The following DDX10 variants were observed in gnomAD, a reference collection of about 807,000 sequenced individuals.
The protein encoded by DDX10 is probable ATP-dependent RNA helicase DDX10.
Under a neutral mutation model 104.3 loss-of-function variants are expected in DDX10, and 74 were observed. The ratio of observed to expected loss-of-function variants is 0.71; its 90% CI spans 0.59 to 0.86. DDX10 has a LOEUF of 0.86. Among genes scored for constraint, DDX10 ranks in the 40% least tolerant of loss-of-function variants. DDX10 has a pLI of 0.00. For missense variants in DDX10, 952 were observed against 1,040.0 expected (o/e 0.92, Z 1.16); for synonymous variants, 351 against 353.4 (o/e 0.99, Z 0.08).
intron 13 of DDX10, among the ~76,000 whole-genome samples, chr11:108,750,815 T>C (rs1046479429): frequency 2.3e-4 from 34 of 151,044 alleles, no homozygotes; most frequent in African/African-American, 8.2e-4. Context: ...TAGAGTACAG[T>C]GGCACAGTTA....
At chr11:108,804,207 T>G (rs1862065397) in intron 13 of DDX10, among the ~76,000 whole-genome samples, 1 of 152,072 alleles carries the variant, frequency 6.6e-6, no homozygotes, top group African/African-American at 2.4e-5. Flanking sequence ...GTATAAAAAG[T>G]TACTACAAGG....
intron 13 of DDX10, among the ~76,000 whole-genome samples, chr11:108,758,201 A>T (rs2094346775): frequency 6.6e-6 from 1 of 151,986 alleles, no homozygotes; most frequent in Admixed American, 6.6e-5. Flanking sequence ...TACTTTTTGT[A>T]TTCTCATCAC....
At chr11:108,693,847 T>C (rs964797435) in intron 9 of DDX10, among the ~76,000 whole-genome samples, 1 of 152,232 alleles carries the variant, frequency 6.6e-6, no homozygotes, top group Non-Finnish European at 1.5e-5. Context: ...AAACTGCTCA[T>C]TGAAAGTCAT....
At chr11:108,879,775 TA>T (rs1307488162) in intron 16 of DDX10, among the ~76,000 whole-genome samples, 1 of 152,200 alleles carries the variant, frequency 6.6e-6, no homozygotes, top group African/African-American at 2.4e-5. Context: ...AAAAATGAAT[TA>T]TACATTCTAA....
At chr11:108,728,071 C>T (rs968556439) in intron 13 of DDX10, among the ~76,000 whole-genome samples, 2 of 151,560 alleles carry the variant, frequency 1.3e-5, no homozygotes, top group African/African-American at 4.8e-5. Flanking sequence ...CCAGAAAGCA[C>T]ACACAGTATA....
chr11:108,853,011 T>TA (rs1196489257), intron 16 of DDX10, among the ~76,000 whole-genome samples: 37 of 152,272 alleles, frequency 2.4e-4, no homozygotes, highest in African/African-American at 7.9e-4. Context: ...CCATAGCACT[T>TA]AAGAGAGCAA....
intron 9 of DDX10, among the ~76,000 whole-genome samples, chr11:108,704,903 G>A (rs972544094): frequency 1.3e-5 from 2 of 152,102 alleles, no homozygotes; most frequent in Admixed American, 6.5e-5. Context: ...TGGAAAACTC[G>A]ACTACCCCAT....
chr11:108,904,868 C>G (rs1370371333), intron 16 of DDX10, among the ~76,000 whole-genome samples: 1 of 152,082 alleles, frequency 6.6e-6, no homozygotes, highest in Admixed American at 6.6e-5. Flanking sequence ...AAAAATGTTG[C>G]ATTTGTGCTT....
intron 15 of DDX10, among the ~76,000 whole-genome samples, chr11:108,848,350 T>C (rs944614922): frequency 3.9e-5 from 6 of 152,160 alleles, no homozygotes; most frequent in Non-Finnish European, 1.5e-5. Context: ...GAAATTTTAC[T>C]AAGATCAGAA....
intron 13 of DDX10, among the ~76,000 whole-genome samples, chr11:108,744,821 G>GA (rs915349414): frequency 2.6e-5 from 4 of 152,128 alleles, no homozygotes; most frequent in South Asian, 2.1e-4. Flanking sequence ...ATTTGGCCTA[G>GA]AACTTTGAAC....
intron 16 of DDX10, among the ~76,000 whole-genome samples, chr11:108,901,563 A>T (rs1565313467): frequency 6.6e-6 from 1 of 152,178 alleles, no homozygotes; most frequent in Non-Finnish European, 1.5e-5. Flanking sequence ...TTCTGGGGTT[A>T]TGTTGGAATG....
chr11:108,737,084 A>T (rs917604509), intron 13 of DDX10, among the ~76,000 whole-genome samples: 2 of 152,138 alleles, frequency 1.3e-5, no homozygotes. Flanking sequence ...TGTTTGTAGC[A>T]TGGAGTCCAT....
chr11:108,859,409 C>G (rs1862911182), intron 16 of DDX10, among the ~76,000 whole-genome samples: 1 of 151,058 alleles, frequency 6.6e-6, no homozygotes, highest in East Asian at 1.9e-4. Context: ...CCAGATAAAA[C>G]TTGAGGAAAA....
intron 13 of DDX10, among the ~76,000 whole-genome samples, chr11:108,801,701 C>G (rs1292697667): frequency 6.6e-6 from 1 of 151,984 alleles, no homozygotes; most frequent in Non-Finnish European, 1.5e-5. Flanking sequence ...TAAATAAAAA[C>G]TAGTAAATAG....
Position 108,805,300 on chromosome 11 carries a change from A to T in DDX10, c.1966-33146A>T, listed in dbSNP as rs570230579. 4.6e-5 allele frequency among the ~76,000 whole-genome samples: 7 copies of T among 152,362 alleles called. No homozygotes were observed. In the South Asian group the frequency reaches 1.4e-3, roughly 32 times the overall value. ...CTGCCACTCTGTGAGGCAGAACCAC[A>T]TATGTTTGAGCCTCCACACTGGAAG... is the stretch of plus-strand genomic sequence containing the variant. On this transcript the variant is annotated intron_variant, in intron 13 of 17. Coordinates refer to ENST00000322536, the MANE Select transcript of DDX10 (RefSeq NM_004398.4).
chr11:108,936,067 A>T (rs542542102), intron 17 of DDX10, among the ~76,000 whole-genome samples: 4 of 152,306 alleles, frequency 2.6e-5, no homozygotes, highest in African/African-American at 9.6e-5. Flanking sequence ...ATTGAAAATA[A>T]CCCATGATTC....
chr11:108,858,224 C>T (rs574687130), intron 16 of DDX10, among the ~76,000 whole-genome samples: 1 of 152,020 alleles, frequency 6.6e-6, no homozygotes, highest in Admixed American at 6.6e-5. Flanking sequence ...CCTTTTCTGC[C>T]TCCTTCAGGC....
chr11:108,716,087 A>G (rs1414273386), intron 11 of DDX10, 121 bp downstream of exon 11: 1 of 669,240 alleles, frequency 1.5e-6, no homozygotes, highest in Non-Finnish European at 2.7e-6. Flanking sequence ...ATTTGCTGAC[A>G]GATAAGTCTA....
At chr11:108,737,202 A>G (rs2094319431) in intron 13 of DDX10, among the ~76,000 whole-genome samples, 1 of 152,216 alleles carries the variant, frequency 6.6e-6, no homozygotes, top group Non-Finnish European at 1.5e-5. Flanking sequence ...AGAAACATCT[A>G]TGATTTTTGT....
Sources: gnomAD v4.1 joint callset for allele counts (sites outside exome capture counted in the v4.1 genomes callset) on GRCh38, gnomAD v4.1.1 for gene constraint, MANE v1.5 for transcripts, NCBI Gene and HGNC (gene_info 2026-07-23, HGNC 2026-07-21) for gene names.